TTC21B: variants seen among roughly 807,000 people sequenced by gnomAD.
TTC21B encodes the protein tetratricopeptide repeat domain 21B.
A neutral mutation model predicts 175.1 loss-of-function variants in TTC21B; 127 were observed. The observed-to-expected ratio is 0.73, with a 90% CI of 0.63 to 0.84. The LOEUF is 0.84. Ranked by LOEUF, TTC21B falls within the 40% of genes least tolerant of loss-of-function variation. The probability of loss-of-function intolerance (pLI) is 0.00; values close to 1 mark genes in which losing one functional copy is unlikely to be tolerated. For missense variants in TTC21B, 1,561 were observed against 1,558.3 expected, an observed-to-expected ratio of 1.00 and a Z score of -0.03; for synonymous variants, 524 against 524.5, an observed-to-expected ratio of 1.00 and a Z score of 0.01.
At chr2:165,911,763 A>C (rs984371506) in intron 17 of TTC21B, among the ~76,000 whole-genome samples, 4 of 152,056 alleles carry the variant, frequency 2.6e-5, no homozygotes, top group African/African-American at 9.6e-5. Flanking sequence ...TCCAAGTTCA[A>C]GCAATTCTCC....
At position 165,891,120 on chromosome 2, in the gene TTC21B, G is replaced by A. The variant is rs959731767; in HGVS notation, c.2951-132C>T. The stretch of plus-strand genomic sequence containing the variant: ...TTAAATATAAATAAAAAATGCCTCA[G>A]GGTATAATTCCCTATAGAGGCTGTA... On this transcript the variant is annotated intron_variant, in intron 22 of 28. Transcript: ENST00000243344. 4 of 806,858 alleles carry A rather than the reference G, an allele frequency of 5.0e-6. No homozygotes were observed. The African/African-American group carries it at 7.0e-5, about 14-fold the overall frequency. The allele number at this position is 806,858 out of a possible 1,614,324, so 50.0% of individuals were successfully genotyped here. A position where few individuals can be genotyped will look rare whatever the true frequency, so the allele number is the denominator to read the frequency against.
At chr2:165,951,437 T>C (rs1052532006) in intron 1 of TTC21B, among the ~76,000 whole-genome samples, 4 of 152,310 alleles carry the variant, frequency 2.6e-5, no homozygotes, top group Middle Eastern at 3.4e-3. Context: ...GCATCCCATA[T>C]GTTAATGGAA....
intron 17 of TTC21B, among the ~76,000 whole-genome samples, 177 bp downstream of exon 17, chr2:165,912,337 T>C (rs1685980891): frequency 6.6e-6 from 1 of 152,130 alleles, no homozygotes; most frequent in African/African-American, 2.4e-5. Flanking sequence ...CACCACGAAA[T>C]GAAGCAATGA....
rs199888705 is a variant in TTC21B, at chr2:165,929,671, C to T, written c.1164G>A (p.Gln388=). Residue 388 remains glutamine, a synonymous_variant, in exon 10 of 29, where the codon CAG becomes CAA. Transcript: ENST00000243344. ...GTACCGCAGATTTTCCAATGGATTG[C>T]TGGATTTCATTTAAAAATTCTAGCT... The part of the protein sequence containing the change: ...DQQLEFLNEI[Q]QSIGKSAELI... 2 of 1,612,172 alleles carry T rather than the reference C, an allele frequency of 1.2e-6. No individual in the cohort carries two copies. The highest frequency in any genetic ancestry group is 2.2e-5 in the East Asian group (1 of 44,794).
At chr2:165,946,590 C>T (rs1687574438) in intron 3 of TTC21B, among the ~76,000 whole-genome samples, 2 of 152,244 alleles carry the variant, frequency 1.3e-5, no homozygotes, top group African/African-American at 2.4e-5. Flanking sequence ...GTGATCCCAG[C>T]ACTTTGGGAG....
chr2:165,902,490 A>C (rs921430646), intron 19 of TTC21B, among the ~76,000 whole-genome samples: 5 of 152,202 alleles, frequency 3.3e-5, no homozygotes, highest in Non-Finnish European at 5.9e-5. Flanking sequence ...TCAAAATGTT[A>C]GCTAACAATT....
At position 165,930,227 on chromosome 2, in the gene TTC21B, C is replaced by T. The variant is rs958096201; in HGVS notation, c.1032G>A (p.Leu344=). Residue 344 remains leucine, a synonymous_variant, in exon 9 of 29, where the codon CTG becomes CTA. Coordinates refer to ENST00000243344, the MANE Select transcript of TTC21B (RefSeq NM_024753.5). The part of the protein sequence containing the change: ...MILQGRVKEA[L]KWYKTAMTLD... ...GTGTCATGGCGGTCTTATACCACTT[C>T]AGTGCCTCTTTAACTCTTCCTTGTA... 1.9e-6 allele frequency: 3 copies of T among 1,613,394 alleles called. No homozygotes were observed. Among genetic ancestry groups the T allele is most frequent in the Non-Finnish European group, 2.5e-6 (3 of 1,179,528 alleles).
chr2:165,930,138 A>G, intron 9 of TTC21B, 34 bp downstream of exon 9: 1 of 1,583,814 alleles, frequency 6.3e-7, no homozygotes, highest in Admixed American at 1.7e-5. Flanking sequence ...ACTTGTATCT[A>G]TATTATAAAT....
At chr2:165,906,413 A>G (rs1384466734) in intron 19 of TTC21B, among the ~76,000 whole-genome samples, 1 of 152,030 alleles carries the variant, frequency 6.6e-6, no homozygotes, top group African/African-American at 2.4e-5. Flanking sequence ...TGATTATTAA[A>G]GAAGAAAAAA....
chr2:165,895,565 A>G (rs571531569), intron 22 of TTC21B, among the ~76,000 whole-genome samples: 2 of 152,338 alleles, frequency 1.3e-5, no homozygotes, highest in South Asian at 4.1e-4. Context: ...TTGAGATAGA[A>G]TGAATATATT....
At chr2:165,917,603 G>T in intron 13 of TTC21B, 122 bp from the exon 14 acceptor site, 1 of 808,374 alleles carries the variant, frequency 1.2e-6, no homozygotes, top group Non-Finnish European at 2.1e-6. Context: ...GTATGCATGA[G>T]GTCTATCTCT....
intron 3 of TTC21B, among the ~76,000 whole-genome samples, chr2:165,946,355 G>A (rs1687564532): frequency 1.3e-5 from 2 of 151,394 alleles, no homozygotes; most frequent in Admixed American, 1.3e-4. Context: ...AAAAAAAAAA[G>A]TTAAATTTTA....
At chr2:165,887,821 C>A (rs982208591) in intron 25 of TTC21B, among the ~76,000 whole-genome samples, 1 of 152,102 alleles carries the variant, frequency 6.6e-6, no homozygotes, top group Admixed American at 6.6e-5. Flanking sequence ...TAAAGAATAT[C>A]ATTATTTGTA....
chr2:165,937,579 C>T (rs996757418), intron 6 of TTC21B, among the ~76,000 whole-genome samples: 2 of 151,972 alleles, frequency 1.3e-5, no homozygotes, highest in African/African-American at 4.8e-5. Flanking sequence ...TTTAATTTTG[C>T]TGTGAACCTA....
At chr2:165,889,799 T>C (rs1035313157) in intron 24 of TTC21B, among the ~76,000 whole-genome samples, 4 of 152,178 alleles carry the variant, frequency 2.6e-5, no homozygotes, top group Admixed American at 1.3e-4. Context: ...TATATTTAGT[T>C]GCAGATTGAA....
intron 7 of TTC21B, 29 bp downstream of exon 7, chr2:165,932,944 G>A: frequency 3.8e-6 from 6 of 1,574,812 alleles, no homozygotes; most frequent in African/African-American, 1.3e-5. Flanking sequence ...TTTTAATATA[G>A]GAAACTTAAA....
rs2105324208 is a variant in TTC21B, at chr2:165,915,333, T to C, written c.2006A>G (p.Asp669Gly). The C allele has an allele frequency of 1.2e-6, 2 of 1,614,078 alleles. No homozygotes were observed. Among genetic ancestry groups the C allele is most frequent in the South Asian group, 1.1e-5 (1 of 91,084 alleles). ...AAGGATGCTTAAAGCCCGTTCAATA[T>C]CTCCTTGGGCTAGAGCAAGGTCTGC... Reference protein sequence around the residue: ...ANADLALAQGDIERALSILQN... With the variant: ...ANADLALAQGGIERALSILQN... Residue 669 changes from aspartate to glycine, a missense_variant, in exon 15 of 29, where the codon GAT (aspartate) becomes GGT (glycine). By Grantham distance (94) the Asp-to-Gly change is moderately conservative. Transcript: ENST00000243344.
intron 1 of TTC21B, 41 bp downstream of exon 1, chr2:165,953,640 TCCGC>T (rs762479945): frequency 2.3e-6 from 3 of 1,288,168 alleles, no homozygotes; most frequent in South Asian, 1.3e-5. Flanking sequence ...GCAAAGGAAC[TCCGC>T]CCGCCCGCCC....
intron 22 of TTC21B, 145 bp downstream of exon 22, chr2:165,898,541 G>T: frequency 1.4e-6 from 1 of 705,518 alleles, no homozygotes; most frequent in Non-Finnish European, 2.6e-6. Context: ...AGCCATTTCA[G>T]CTACTCAAGC....
Sources: gnomAD v4.1 joint callset for allele counts (sites outside exome capture counted in the v4.1 genomes callset) on GRCh38, gnomAD v4.1.1 for gene constraint, MANE v1.5 for transcripts, NCBI Gene and HGNC (gene_info 2026-07-23, HGNC 2026-07-21) for gene names.